GNPTAB: variants seen among roughly 807,000 people sequenced by gnomAD.
The protein encoded by GNPTAB is N-acetylglucosamine-1-phosphate transferase subunits alpha and beta.
In GNPTAB, 92 loss-of-function variants were observed where a neutral mutation model predicts 136.6. The observed-to-expected ratio is 0.67, with a 90% CI of 0.57 to 0.80. The LOEUF (loss-of-function observed/expected upper bound fraction) is 0.80. Ranked by LOEUF, GNPTAB falls within the 30% of genes least tolerant of loss-of-function variation. The pLI is 0.00. For synonymous variants in GNPTAB, 512 were observed against 535.1 expected, an observed-to-expected ratio of 0.96 and a Z score of 0.60; for missense variants, 1,343 against 1,501.8, an observed-to-expected ratio of 0.89 and a Z score of 1.75.
At position 101,757,313 on chromosome 12, in the gene GNPTAB, A is replaced by T. The variant is rs775768061; in HGVS notation, c.3336-3T>A. The stretch of plus-strand genomic sequence containing the variant: ...CTTCTTCTCCCATGATTTCAAACCT[A>T]ATTATCAAAACATATTTGAAGAGTT... On this transcript the variant is annotated splice_region_variant and splice_polypyrimidine_tract_variant and intron_variant, in intron 17 of 20. Coordinates refer to ENST00000299314, the MANE Select transcript of GNPTAB (RefSeq NM_024312.5). The T allele has an allele frequency of 1.3e-6, 2 of 1,504,310 alleles. No homozygotes were observed. Among genetic ancestry groups the T allele is most frequent in the Non-Finnish European group, 1.8e-6 (2 of 1,081,390 alleles). 93.2% of individuals were successfully genotyped at this position (1,504,310 alleles called of 1,614,324 possible).
rs1161435216 is a variant in GNPTAB, at chr12:101,786,136, G to A, written c.447C>T (p.Ile149=). The change falls in exon 5 of 21, where the codon ATC becomes ATT. Residue 149 remains isoleucine (I), a synonymous_variant. Transcript: ENST00000299314. ...LVLDPALPAN[I]TLKDLPSLYP... ...AAAGAGATGGCAGGTCCTTCAGGGT[G>A]ATGTTGGCTGGCAGGGCTGGGTCCA... is the stretch of plus-strand genomic sequence containing the variant. 2.5e-6 allele frequency: 4 copies of A among 1,614,076 alleles called. No homozygotes were observed. The highest frequency in any genetic ancestry group is 1.7e-5 in the Admixed American group (1 of 60,020).
chr12:101,764,074 G>T (rs1953044749), intron 13 of GNPTAB, 128 bp downstream of exon 13: 2 of 1,207,066 alleles, frequency 1.7e-6, no homozygotes, highest in Non-Finnish European at 2.4e-6. Flanking sequence ...ATGAAACCAT[G>T]TAAGAAAAGC....
At chr12:101,797,102 G>A (rs1336307826) in intron 1 of GNPTAB, among the ~76,000 whole-genome samples, 1 of 152,194 alleles carries the variant, frequency 6.6e-6, no homozygotes, top group Admixed American at 6.5e-5. Flanking sequence ...GAGCATGCTT[G>A]TAGGCTGAGA....
At chr12:101,753,258 AAAAAAAAT>A in intron 19 of GNPTAB, 106 bp downstream of exon 19, 1 of 995,408 alleles carries the variant, frequency 1.0e-6, no homozygotes, top group Non-Finnish European at 1.5e-6. Flanking sequence ...CGTCTCAAAA[AAAAAAAAT>A]AAAAAGAGAA....
chr12:101,749,067 C>G (rs1270637852), intron 20 of GNPTAB, 34 bp downstream of exon 20: 1 of 1,159,816 alleles, frequency 8.6e-7, no homozygotes, highest in Non-Finnish European at 1.3e-6. Context: ...CAAGAAATAC[C>G]ATTTAATACC....
At chr12:101,821,113 A>G (rs985796451) in intron 1 of GNPTAB, among the ~76,000 whole-genome samples, 2 of 151,902 alleles carry the variant, frequency 1.3e-5, no homozygotes, top group Admixed American at 1.3e-4. Context: ...CACCAGACCA[A>G]ACTGATTCTC....
chr12:101,750,761 CAT>C, intron 19 of GNPTAB, among the ~76,000 whole-genome samples: 1 of 152,140 alleles, frequency 6.6e-6, no homozygotes. Flanking sequence ...AAAATAAAAA[CAT>C]AAAGATAGCA....
At chr12:101,785,907 GT>G in intron 5 of GNPTAB, 104 bp downstream of exon 5, 1 of 927,988 alleles carries the variant, frequency 1.1e-6, no homozygotes, top group Non-Finnish European at 1.7e-6. Context: ...TTTTAGAAAA[GT>G]TTATCAGACA....
chr12:101,766,755 C>T (rs1953101403), intron 11 of GNPTAB, among the ~76,000 whole-genome samples: 1 of 152,096 alleles, frequency 6.6e-6, no homozygotes, highest in African/African-American at 2.4e-5. Flanking sequence ...TCTCATATAC[C>T]TTAAGAAGAA....
intron 2 of GNPTAB, among the ~76,000 whole-genome samples, chr12:101,790,694 C>T (rs1407001026): frequency 3.3e-5 from 5 of 149,580 alleles, no homozygotes; most frequent in African/African-American, 9.9e-5. Flanking sequence ...GAGCTATGAT[C>T]GTACCACTGC....
chr12:101,783,734 T>C (rs1432060121), intron 5 of GNPTAB, among the ~76,000 whole-genome samples: 3 of 150,734 alleles, frequency 2.0e-5, no homozygotes, highest in Non-Finnish European at 3.0e-5. Flanking sequence ...TTTTTTTTTT[T>C]CAGACAGGGT....
chr12:101,765,143 C>A lies in GNPTAB; in HGVS notation c.1774G>T (p.Ala592Ser). 1 of 1,614,136 alleles carries A rather than the reference C, an allele frequency of 6.2e-7. No homozygotes were observed. Among genetic ancestry groups the A allele is most frequent in the Non-Finnish European group, 8.5e-7 (1 of 1,180,018 alleles). The stretch of plus-strand genomic sequence containing the variant: ...AGGTGGATGGTTTTCCACTTGTTGG[C>A]AATAGAAGCATGTCGAATTATTGGA... Reference protein sequence around the residue: ...DNPIIRHASIANKWKTIHLIM... With the variant: ...DNPIIRHASISNKWKTIHLIM... The change falls in exon 13 of 21, where the codon GCC (alanine) becomes TCC (serine). Residue 592 changes from alanine to serine, a missense_variant. Physicochemically the swap from Ala to Ser is moderately conservative, Grantham distance 99 (BLOSUM62 1). Transcript: ENST00000299314.
chr12:101,784,419 G>T (rs1314680136), intron 5 of GNPTAB, among the ~76,000 whole-genome samples: 1 of 152,110 alleles, frequency 6.6e-6, no homozygotes, highest in African/African-American at 2.4e-5. Flanking sequence ...CAAAATCAAG[G>T]CAATTAGAGC....
chr12:101,756,446 A>T (rs1335694176), intron 18 of GNPTAB: 1 of 398,102 alleles, frequency 2.5e-6, no homozygotes. Context: ...GCAGCAGCTC[A>T]TGTCTGTGGT....
intron 20 of GNPTAB, among the ~76,000 whole-genome samples, chr12:101,748,250 G>A (rs1244232625): frequency 6.6e-6 from 1 of 152,188 alleles, no homozygotes; most frequent in Non-Finnish European, 1.5e-5. Context: ...ACAGCAAGAA[G>A]CCCATTCATT....
chr12:101,817,008 G>C (rs189112252), intron 1 of GNPTAB, among the ~76,000 whole-genome samples: 2 of 152,180 alleles, frequency 1.3e-5, no homozygotes, highest in South Asian at 2.1e-4. Flanking sequence ...TCTCATGGAG[G>C]TAGAGAATAG....
chr12:101,767,597 T>A (rs910122359), intron 11 of GNPTAB, among the ~76,000 whole-genome samples: 1 of 152,222 alleles, frequency 6.6e-6, no homozygotes, highest in Non-Finnish European at 1.5e-5. Flanking sequence ...AGGGCACTAA[T>A]TACCACCTCC....
chr12:101,766,395 T>C (rs1313593404), intron 11 of GNPTAB, 101 bp from the exon 12 acceptor site: 1 of 1,015,530 alleles, frequency 9.8e-7, no homozygotes, highest in South Asian at 1.3e-5. Context: ...CTCAACACTT[T>C]GGGAGGCAGA....
chr12:101,813,908 G>A (rs1339274407), intron 1 of GNPTAB, among the ~76,000 whole-genome samples: 2 of 151,962 alleles, frequency 1.3e-5, no homozygotes, highest in African/African-American at 2.4e-5. Context: ...GTGAAACCCC[G>A]TCTCTACTAA....
Sources: gnomAD v4.1 joint callset for allele counts (sites outside exome capture counted in the v4.1 genomes callset) on GRCh38, gnomAD v4.1.1 for gene constraint, MANE v1.5 for transcripts, NCBI Gene and HGNC (gene_info 2026-07-23, HGNC 2026-07-21) for gene names.